CDYL: variants seen among roughly 807,000 people sequenced by gnomAD.
CDYL encodes chromodomain Y-like protein.
A neutral mutation model predicts 47.3 loss-of-function variants in CDYL; 8 were observed. The ratio of observed to expected loss-of-function variants is 0.17; its 90% CI spans 0.10 to 0.31. CDYL has a LOEUF of 0.31. Ranked by LOEUF, CDYL falls within the 10% of genes least tolerant of loss-of-function variation. The pLI is 1.00. For synonymous variants in CDYL, 266 were observed against 265.0 expected (o/e 1.00, Z -0.04); for missense variants, 471 against 701.4 (o/e 0.67, Z 3.71).
chr6:4,739,644 C>T (rs1388387565), intron 3 of CDYL, among the ~76,000 whole-genome samples: 1 of 151,606 alleles, frequency 6.6e-6, no homozygotes, highest in African/African-American at 2.4e-5. Context: ...TGTATTTCTA[C>T]CTAGTAAAAG....
chr6:4,707,445 T>A (rs1757067561), intron 1 of CDYL, among the ~76,000 whole-genome samples: 2 of 152,196 alleles, frequency 1.3e-5, no homozygotes, highest in African/African-American at 4.8e-5. Flanking sequence ...ACTAATTTTT[T>A]GTATTTTTAA....
chr6:4,729,254 T>G (rs180829707), intron 2 of CDYL, among the ~76,000 whole-genome samples: 9 of 152,320 alleles, frequency 5.9e-5, no homozygotes, highest in Admixed American at 4.6e-4. Flanking sequence ...TGTGCTGGCA[T>G]CCGGCAAGGT....
At chr6:4,891,401 A>T (rs945978142) in intron 1 of CDYL, among the ~76,000 whole-genome samples, 1 of 152,192 alleles carries the variant, frequency 6.6e-6, no homozygotes, top group Non-Finnish European at 1.5e-5. Context: ...TCCAGCCATG[A>T]GTGTGGAAAC....
At chr6:4,826,786 A>G (rs766883523) in intron 1 of CDYL, among the ~76,000 whole-genome samples, 4 of 152,224 alleles carry the variant, frequency 2.6e-5, no homozygotes, top group Non-Finnish European at 5.9e-5. Context: ...AATGATTCAT[A>G]TGCACTTAAG....
intron 1 of CDYL, among the ~76,000 whole-genome samples, chr6:4,884,734 C>A (rs572222568): frequency 1.0e-3 from 157 of 151,642 alleles, no homozygotes; most frequent in Middle Eastern, 3.4e-3. Context: ...CATTTGGGAT[C>A]CCCAAGCTCA....
chr6:4,776,193 C>A (rs1392438960), upstream of CDYL, among the ~76,000 whole-genome samples: 1 of 142,206 alleles, frequency 7.0e-6, no homozygotes, highest in East Asian at 2.1e-4. Context: ...CCCCGACTGC[C>A]CCGCTCCTCC....
intron 1 of CDYL, among the ~76,000 whole-genome samples, chr6:4,803,636 G>T (rs1385258340): frequency 5.9e-5 from 9 of 151,858 alleles, no homozygotes; most frequent in Admixed American, 5.9e-4. Flanking sequence ...GCTCTAATCT[G>T]ACCTTACAGC....
At chr6:4,923,093 C>T (rs1391208097) in intron 2 of CDYL, among the ~76,000 whole-genome samples, 1 of 152,172 alleles carries the variant, frequency 6.6e-6, no homozygotes, top group Non-Finnish European at 1.5e-5. Flanking sequence ...CATTTAAAAT[C>T]TGCTCTATTT....
intron 1 of CDYL, among the ~76,000 whole-genome samples, chr6:4,782,392 C>T (rs1345741722): frequency 6.6e-6 from 1 of 152,138 alleles, no homozygotes; most frequent in East Asian, 1.9e-4. Flanking sequence ...ATCTCCATTC[C>T]TGACTCCTTA....
chr6:4,758,340 G>A (rs1172268376), intron 3 of CDYL, among the ~76,000 whole-genome samples: 3 of 87,494 alleles, frequency 3.4e-5, no homozygotes, highest in African/African-American at 1.4e-4. Context: ...CTCATGTCTT[G>A]AAAATAAATA....
At position 4,854,629 on chromosome 6, in the gene CDYL, C is replaced by T. The variant is rs1041159145; in HGVS notation, c.25-37084C>T. ...GGAATAAAATAACCTCATGACACTA[C>T]AAGAGGAGAAACAAGGTTCCAAGGC... On this transcript the variant is annotated intron_variant, in intron 1 of 6. Transcript: ENST00000397588. Among the ~76,000 whole-genome samples, 3 of 152,186 alleles carry T rather than the reference C, an allele frequency of 2.0e-5. No homozygotes were observed. In the East Asian group the frequency reaches 5.8e-4, roughly 29 times the overall value.
At chr6:4,929,395 A>G (rs1045967511) in intron 2 of CDYL, among the ~76,000 whole-genome samples, 1 of 151,142 alleles carries the variant, frequency 6.6e-6, no homozygotes, top group South Asian at 2.1e-4. Flanking sequence ...GTGTGTATTT[A>G]TCATAGTTAG....
chr6:4,869,663 G>T (rs534015327), intron 1 of CDYL, among the ~76,000 whole-genome samples: 1 of 151,768 alleles, frequency 6.6e-6, no homozygotes, highest in East Asian at 1.9e-4. Context: ...TTAATTTATC[G>T]CAGCCCGCTT....
intron 1 of CDYL, among the ~76,000 whole-genome samples, chr6:4,788,806 G>T (rs1295248450): frequency 6.6e-6 from 1 of 151,810 alleles, no homozygotes; most frequent in Non-Finnish European, 1.5e-5. Context: ...TGGTCTGCCT[G>T]TCGAACAGCC....
chr6:4,796,576 C>G (rs929841868), intron 1 of CDYL, among the ~76,000 whole-genome samples: 4 of 152,122 alleles, frequency 2.6e-5, no homozygotes. Flanking sequence ...TGAGCCTAGG[C>G]TTTAGATGTA....
rs915910428 is a variant in CDYL at position 4,892,531 on chromosome 6, G to A, written c.691+152G>A. On this transcript the variant is annotated intron_variant, in intron 2 of 6. Coordinates refer to ENST00000397588, the MANE Select transcript of CDYL (RefSeq NM_004824.4). Reference sequence around the variant, plus strand: ...GATTTCGCCTTCTCCTTTCTTCGCTGGAAGCCTTTGATATTTCTCTTAATT... The same window carrying A: ...GATTTCGCCTTCTCCTTTCTTCGCTAGAAGCCTTTGATATTTCTCTTAATT... The A allele has an allele frequency of 1.0e-5, 8 of 785,622 alleles. No homozygotes were observed. In the Admixed American group the frequency reaches 2.5e-4, roughly 24 times the overall value. 48.7% of individuals were successfully genotyped at this position (785,622 alleles called of 1,614,324 possible).
chr6:4,791,745 C>G (rs981359042), intron 1 of CDYL, among the ~76,000 whole-genome samples: 1 of 151,972 alleles, frequency 6.6e-6, no homozygotes, highest in Non-Finnish European at 1.5e-5. Context: ...CCACCCTGGT[C>G]TAACTACTAC....
intron 1 of CDYL, among the ~76,000 whole-genome samples, chr6:4,868,616 C>T (rs936071266): frequency 3.9e-5 from 6 of 152,062 alleles, no homozygotes; most frequent in Admixed American, 3.9e-4. Context: ...TTGGAAGGAC[C>T]ATTGTTGGAT....
intron 1 of CDYL, among the ~76,000 whole-genome samples, chr6:4,839,138 G>T (rs764330465): frequency 6.6e-6 from 1 of 152,082 alleles, no homozygotes; most frequent in African/African-American, 2.4e-5. Flanking sequence ...AGGTGGTATC[G>T]CATTGTGGTT....
Sources: gnomAD v4.1 joint callset for allele counts (sites outside exome capture counted in the v4.1 genomes callset) on GRCh38, gnomAD v4.1.1 for gene constraint, MANE v1.5 for transcripts, NCBI Gene and HGNC (gene_info 2026-07-23, HGNC 2026-07-21) for gene names.